The following CC2D2A variants were observed in gnomAD, a reference collection of about 807,000 sequenced individuals.
CC2D2A encodes the protein coiled-coil and C2 domain-containing protein 2A.
A neutral mutation model predicts 212.9 loss-of-function variants in CC2D2A; 155 were observed. The observed-to-expected ratio is 0.73, with a 90% CI of 0.64 to 0.83. The LOEUF (loss-of-function observed/expected upper bound fraction) is 0.83, where lower values mean the gene tolerates loss of function less well. Among genes scored for constraint, CC2D2A ranks in the 40% least tolerant of loss-of-function variants. CC2D2A has a pLI of 0.00. For missense variants in CC2D2A, 1,856 were observed against 1,956.2 expected (o/e 0.95, Z 0.97); for synonymous variants, 667 against 686.5 (o/e 0.97, Z 0.44).
chr4:15,551,123 T>G (rs1030898653), intron 18 of CC2D2A, 143 bp downstream of exon 18: 1 of 688,304 alleles, frequency 1.5e-6, no homozygotes, highest in East Asian at 2.9e-5. Flanking sequence ...CTATGCAACT[T>G]TTTGCCAAGT....
At chr4:15,560,453 G>C (rs1403607763) in intron 22 of CC2D2A, 78 bp from the exon 23 acceptor site, 1 of 715,692 alleles carries the variant, frequency 1.4e-6, no homozygotes, top group African/African-American at 1.8e-5. Flanking sequence ...ATGACATTAG[G>C]GTAAAAACTT....
chr4:15,545,665 C>G (rs377360841), intron 17 of CC2D2A, among the ~76,000 whole-genome samples: 2 of 151,840 alleles, frequency 1.3e-5, no homozygotes, highest in African/African-American at 4.8e-5. Flanking sequence ...AAGGCTGGCA[C>G]AGAAAGCCAG....
chr4:15,559,578 G>GA (rs1312567008), intron 22 of CC2D2A, among the ~76,000 whole-genome samples: 2 of 151,914 alleles, frequency 1.3e-5, no homozygotes, highest in African/African-American at 2.4e-5. Flanking sequence ...TTTGTAATCA[G>GA]AAAAAAACAA....
At chr4:15,550,554 C>T (rs1718943900) in intron 17 of CC2D2A, among the ~76,000 whole-genome samples, 1 of 152,154 alleles carries the variant, frequency 6.6e-6, no homozygotes, top group South Asian at 2.1e-4. Context: ...GGAATAAAAA[C>T]AATTATCCTC....
At chr4:15,592,374 C>A in intron 33 of CC2D2A, among the ~76,000 whole-genome samples, 1 of 152,130 alleles carries the variant, frequency 6.6e-6, no homozygotes, top group East Asian at 1.9e-4. Context: ...CACACTCAGA[C>A]CTTAACCTAC....
intron 11 of CC2D2A, 52 bp from the exon 12 acceptor site, chr4:15,527,395 A>T (rs1717563778): frequency 5.3e-6 from 7 of 1,326,826 alleles, no homozygotes; most frequent in Non-Finnish European, 3.2e-6. Context: ...GAGAATCATT[A>T]TCTAGTAAGT....
chr4:15,503,078 CT>C (rs1227911310), intron 6 of CC2D2A, among the ~76,000 whole-genome samples, 155 bp downstream of exon 6: 1 of 152,156 alleles, frequency 6.6e-6, no homozygotes, highest in African/African-American at 2.4e-5. Flanking sequence ...GGGAGGATCG[CT>C]TGAGTCCAAG....
At chr4:15,493,739 T>A (rs1715449737) in intron 4 of CC2D2A, among the ~76,000 whole-genome samples, 1 of 152,216 alleles carries the variant, frequency 6.6e-6, no homozygotes, top group East Asian at 1.9e-4. Flanking sequence ...GTGGAGGCAT[T>A]CATTTGTTTT....
chr4:15,586,001 G>T (rs1720841943), intron 30 of CC2D2A, among the ~76,000 whole-genome samples, 156 bp from the exon 31 acceptor site: 1 of 152,226 alleles, frequency 6.6e-6, no homozygotes, highest in Non-Finnish European at 1.5e-5. Flanking sequence ...AGGATGTTTG[G>T]TGAGGATGGA....
chr4:15,565,439 C>T (rs1040472652), intron 24 of CC2D2A, among the ~76,000 whole-genome samples: 8 of 150,142 alleles, frequency 5.3e-5, no homozygotes, highest in Non-Finnish European at 8.8e-5. Flanking sequence ...TCTAATACAG[C>T]CTCTGACCAT....
chr4:15,559,859 C>T (rs1248950563), intron 22 of CC2D2A, among the ~76,000 whole-genome samples: 1 of 151,976 alleles, frequency 6.6e-6, no homozygotes, highest in Non-Finnish European at 1.5e-5. Context: ...GGCTGGTTGG[C>T]TTTGTCGCCC....
At chr4:15,600,066 A>G (rs1482767312) in intron 36 of CC2D2A, among the ~76,000 whole-genome samples, 1 of 152,162 alleles carries the variant, frequency 6.6e-6, no homozygotes, top group African/African-American at 2.4e-5. Context: ...TTTCATTGCT[A>G]AGAAAGGTGG....
chr4:15,589,495 T>A, intron 32 of CC2D2A, 50 bp from the exon 33 acceptor site: 1 of 1,555,392 alleles, frequency 6.4e-7, no homozygotes, highest in Middle Eastern at 1.7e-4. Flanking sequence ...ACTATTGGCC[T>A]TCACTGCATA....
At chr4:15,483,584 T>C (rs1714821018) in intron 4 of CC2D2A, among the ~76,000 whole-genome samples, 1 of 152,230 alleles carries the variant, frequency 6.6e-6, no homozygotes, top group South Asian at 2.1e-4. Flanking sequence ...TGGACATTTT[T>C]ACTACCACAT....
chr4:15,502,579 G>C (rs1577329867), intron 5 of CC2D2A, 62 bp downstream of exon 5: 4 of 1,432,150 alleles, frequency 2.8e-6, no homozygotes, highest in Non-Finnish European at 3.8e-6. Flanking sequence ...GGCTTGTCTA[G>C]CTTACTTTTT....
chr4:15,543,531 T>C (rs926278554), intron 17 of CC2D2A: 5 of 152,216 alleles, frequency 3.3e-5, no homozygotes, highest in African/African-American at 9.6e-5. Flanking sequence ...CCTTGATTTA[T>C]AACTCTGAAT....
chr4:15,581,286 G>A (rs1346491523), intron 30 of CC2D2A, among the ~76,000 whole-genome samples: 1 of 152,168 alleles, frequency 6.6e-6, no homozygotes, highest in Non-Finnish European at 1.5e-5. Flanking sequence ...ACCTAGCATA[G>A]TAGATGTACA....
At position 15,514,876 on chromosome 4, in the gene CC2D2A, G is replaced by A. The variant is rs1445614932; in HGVS notation, c.880+7G>A. 1.2e-6 allele frequency: 2 copies of A among 1,612,128 alleles called. No individual in the cohort carries two copies. Among genetic ancestry groups the A allele is most frequent in the African/African-American group, 2.7e-5 (2 of 74,878 alleles). Reference sequence around the variant, plus strand: ...ATACCCAGTAGGCAGACAGGTACTTGCTCTTTTTATTTTCTTGTTCAGCTT... The same window carrying A: ...ATACCCAGTAGGCAGACAGGTACTTACTCTTTTTATTTTCTTGTTCAGCTT... On this transcript the variant is annotated splice_region_variant and intron_variant, in intron 9 of 36. Coordinates refer to ENST00000424120, the MANE Select transcript of CC2D2A (RefSeq NM_001378615.1).
chr4:15,528,726 G>T lies in CC2D2A; in HGVS notation c.1466G>T (p.Arg489Leu). The T allele has an allele frequency of 6.3e-7, 1 of 1,593,504 alleles. No homozygotes were observed. Among genetic ancestry groups the T allele is most frequent in the Non-Finnish European group, 8.6e-7 (1 of 1,166,246 alleles). ...ATCAATGAGTATAAATCTGAAATTC[G>T]GTGAGTAAAGTTTGTTAAGTGTAAC... Reference protein sequence around the residue: ...KTINEYKSEIRQTRKFRDAEQ... With the variant: ...KTINEYKSEILQTRKFRDAEQ... The change falls in exon 13 of 37, where the codon CGA (arginine) becomes CTA (leucine). Residue 489 changes from arginine to leucine, a missense_variant and splice_region_variant. Physicochemically the swap from Arg to Leu is moderately radical, Grantham distance 102 (BLOSUM62 -2). Coordinates refer to ENST00000424120, the MANE Select transcript of CC2D2A (RefSeq NM_001378615.1).
Sources: allele counts gnomAD v4.1 joint callset (sites outside exome capture counted in the v4.1 genomes callset), GRCh38; gene constraint gnomAD v4.1.1; transcripts MANE v1.5; gene names NCBI Gene and HGNC (gene_info 2026-07-23, HGNC 2026-07-21).